The following DAB1 variants were observed in gnomAD, a reference collection of about 807,000 sequenced individuals.
The protein encoded by DAB1 is disabled homolog 1.
DAB1 carries 15 observed loss-of-function variants against 64.6 expected under a neutral mutation model. That is an observed-to-expected ratio of 0.23 (90% CI 0.16 to 0.36). The LOEUF (loss-of-function observed/expected upper bound fraction) is 0.36. DAB1 is among the 10% of genes least tolerant of loss of function. The pLI, the probability that DAB1 is intolerant of heterozygous loss-of-function variation, is 1.00. For synonymous variants in DAB1, 235 were observed against 251.9 expected (o/e 0.93, Z 0.64); for missense variants, 596 against 706.7 (o/e 0.84, Z 1.78).
chr1:58,352,914 A>T (rs1644072255), intron 3 of DAB1, among the ~76,000 whole-genome samples: 1 of 152,164 alleles, frequency 6.6e-6, no homozygotes, highest in South Asian at 2.1e-4. Context: ...TTCACCAGAC[A>T]TTGAATCTGC....
chr1:57,475,493 A>T (rs929227926), intron 7 of DAB1, among the ~76,000 whole-genome samples: 2 of 152,214 alleles, frequency 1.3e-5, no homozygotes, highest in Admixed American at 1.3e-4. Context: ...TAGCATTCAG[A>T]TTCACAGGCC....
chr1:58,107,356 C>T (rs889946827), intron 5 of DAB1, among the ~76,000 whole-genome samples: 4 of 150,296 alleles, frequency 2.7e-5, no homozygotes, highest in African/African-American at 7.3e-5. Flanking sequence ...CTGTAATCCC[C>T]GCTACTCGGG....
chr1:57,104,914 G>C (rs548538284), intron 4 of DAB1, among the ~76,000 whole-genome samples: 1 of 152,258 alleles, frequency 6.6e-6, no homozygotes, highest in East Asian at 1.9e-4. Context: ...CCCCCTTCCA[G>C]TCCTAGGCTG....
chr1:58,525,250 CTG>C (rs1174106226), intron 2 of DAB1, among the ~76,000 whole-genome samples: 1 of 152,106 alleles, frequency 6.6e-6, no homozygotes, highest in East Asian at 1.9e-4. Context: ...CATGGTTCAC[CTG>C]TGAGTTTTTT....
At chr1:57,881,278 CACA>C (rs1644139639) in intron 1 of DAB1, among the ~76,000 whole-genome samples, 1 of 152,150 alleles carries the variant, frequency 6.6e-6, no homozygotes, top group Admixed American at 6.5e-5. Context: ...CAGAATCAGG[CACA>C]ACAATATTCA....
At chr1:57,341,490 T>C (rs574857464) in intron 1 of DAB1, among the ~76,000 whole-genome samples, 3 of 152,196 alleles carry the variant, frequency 2.0e-5, no homozygotes, top group African/African-American at 7.2e-5. Flanking sequence ...CTAATTTAAA[T>C]AAGCAAAGGG....
At chr1:57,409,715 A>C (rs1272191799) in intron 1 of DAB1, among the ~76,000 whole-genome samples, 1 of 152,194 alleles carries the variant, frequency 6.6e-6, no homozygotes, top group Non-Finnish European at 1.5e-5. Flanking sequence ...AGGCTGAGGC[A>C]GGAGAATCAC....
intron 3 of DAB1, among the ~76,000 whole-genome samples, chr1:58,402,243 C>T (rs1644576792): frequency 1.3e-5 from 2 of 152,230 alleles, no homozygotes; most frequent in South Asian, 2.1e-4. Context: ...GTTTCCTGCC[C>T]TCCACTGTGG....
chr1:58,376,334 C>A (rs1287233429), intron 3 of DAB1, among the ~76,000 whole-genome samples: 1 of 138,856 alleles, frequency 7.2e-6, no homozygotes, highest in African/African-American at 2.7e-5. Flanking sequence ...AAATTTCCCT[C>A]TACACACTGC....
At chr1:58,270,437 A>T (rs1173079709) in intron 4 of DAB1, among the ~76,000 whole-genome samples, 1 of 65,222 alleles carries the variant, frequency 1.5e-5, no homozygotes, top group Non-Finnish European at 2.8e-5. Context: ...CTTGTAGTAT[A>T]GTTTGAAGTC....
intron 4 of DAB1, among the ~76,000 whole-genome samples, chr1:57,091,610 A>T (rs1653686622): frequency 1.3e-5 from 2 of 152,230 alleles, no homozygotes; most frequent in Non-Finnish European, 2.9e-5. Context: ...TGATAGAAGC[A>T]GCAAGTGCAG....
chr1:58,071,657 G>A (rs1473036880), intron 5 of DAB1: 1 of 152,074 alleles, frequency 6.6e-6, no homozygotes, highest in African/African-American at 2.4e-5. Flanking sequence ...CAAGCCTTGA[G>A]GTTCATGAAG....
At chr1:58,510,744 A>T (rs12080357) in intron 2 of DAB1, among the ~76,000 whole-genome samples, 23,043 of 152,094 alleles carry the variant, frequency 0.15, 1,834 homozygotes, top group Middle Eastern at 0.23. Flanking sequence ...ACAAAAAAAA[A>T]CCCTGCTAGA....
At chr1:57,161,345 A>C (rs1413226) in intron 2 of DAB1, among the ~76,000 whole-genome samples, 41,931 of 152,050 alleles carry the variant, frequency 0.28, 6,879 homozygotes, top group Middle Eastern at 0.39. Flanking sequence ...TTTCCTACCC[A>C]AGGCAACTCA....
chr1:57,918,523 G>A (rs759247025), intron 5 of DAB1, among the ~76,000 whole-genome samples: 21 of 152,214 alleles, frequency 1.4e-4, no homozygotes, highest in Non-Finnish European at 2.8e-4. Flanking sequence ...TCACTACCAT[G>A]AGAAAGGCAC....
chr1:58,234,113 T>C (rs1484455564), intron 4 of DAB1, among the ~76,000 whole-genome samples: 4 of 152,156 alleles, frequency 2.6e-5, no homozygotes, highest in African/African-American at 9.7e-5. Context: ...AGGCCCAAAG[T>C]TTACTATCAG....
intron 4 of DAB1, among the ~76,000 whole-genome samples, chr1:57,102,323 T>C (rs1654753803): frequency 6.6e-6 from 1 of 152,230 alleles, no homozygotes; most frequent in Non-Finnish European, 1.5e-5. Flanking sequence ...CATGATATTA[T>C]GATGGCTTGA....
chr1:58,086,833 A>C (rs908106785), intron 5 of DAB1, among the ~76,000 whole-genome samples: 4 of 151,894 alleles, frequency 2.6e-5, no homozygotes, highest in Non-Finnish European at 5.9e-5. Context: ...AAGCCCAATA[A>C]GATGTCTTTT....
At chr1:57,166,316 C>G (rs1008224817) in intron 2 of DAB1, among the ~76,000 whole-genome samples, 1 of 151,964 alleles carries the variant, frequency 6.6e-6, no homozygotes, top group Non-Finnish European at 1.5e-5. Flanking sequence ...CCCTACTAGA[C>G]CATGTCTTGC....
Sources: gnomAD v4.1 joint callset for allele counts (sites outside exome capture counted in the v4.1 genomes callset) on GRCh38, gnomAD v4.1.1 for gene constraint, MANE v1.5 for transcripts, NCBI Gene and HGNC (gene_info 2026-07-23, HGNC 2026-07-21) for gene names.